DPP10: variants seen among roughly 807,000 people sequenced by gnomAD.
The protein encoded by DPP10 is dipeptidyl peptidase like 10, also known as inactive dipeptidyl peptidase 10.
Under a neutral mutation model 120.9 loss-of-function variants are expected in DPP10, and 33 were observed. The observed-to-expected ratio is 0.27, with a 90% CI of 0.21 to 0.37. The LOEUF (loss-of-function observed/expected upper bound fraction) is 0.37, where lower values mean the gene tolerates loss of function less well. DPP10 is among the 10% of genes least tolerant of loss of function. The pLI is 1.00. For synonymous variants in DPP10, 337 were observed against 326.1 expected, an observed-to-expected ratio of 1.03 and a Z score of -0.36; for missense variants, 816 against 942.8, an observed-to-expected ratio of 0.87 and a Z score of 1.76.
rs181299413 is a variant in DPP10, at chr2:115,805,060, G to T, written c.1701-9733G>T. Among the ~76,000 whole-genome samples, 811 of 152,332 alleles carry T rather than the reference G, an allele frequency of 5.3e-3. 11 individuals carry two copies. Among genetic ancestry groups the T allele is most frequent in the African/African-American group, 0.019 (781 of 41,596 alleles). Reference sequence around the variant, plus strand: ...CCTACAGAGGCAGGCAGGCCTCCTTGAGCTGTGGTGGGCTCCACCCAGTTG... The same window carrying T: ...CCTACAGAGGCAGGCAGGCCTCCTTTAGCTGTGGTGGGCTCCACCCAGTTG... On this transcript the variant is annotated intron_variant, in intron 19 of 25. Coordinates refer to ENST00000410059, the MANE Select transcript of DPP10 (RefSeq NM_020868.6).
chr2:114,670,235 G>A (rs1249632060), intron 1 of DPP10, among the ~76,000 whole-genome samples: 1 of 152,048 alleles, frequency 6.6e-6, no homozygotes, highest in Non-Finnish European at 1.5e-5. Flanking sequence ...GTTTATTGTG[G>A]CACTATTCAC....
intron 1 of DPP10, among the ~76,000 whole-genome samples, chr2:115,282,412 T>C (rs2060196583): frequency 1.3e-5 from 2 of 152,100 alleles, no homozygotes; most frequent in Admixed American, 1.3e-4. Context: ...GGAAAATGTG[T>C]GGTATTTGCC....
At chr2:114,830,228 C>T (rs1363613693) in intron 1 of DPP10, among the ~76,000 whole-genome samples, 2 of 152,070 alleles carry the variant, frequency 1.3e-5, no homozygotes, top group African/African-American at 4.8e-5. Context: ...ATTGATAGCT[C>T]TCAAAATGGG....
At chr2:115,670,015 G>A (rs1188697130) in intron 5 of DPP10, among the ~76,000 whole-genome samples, 1 of 152,098 alleles carries the variant, frequency 6.6e-6, no homozygotes, top group East Asian at 1.9e-4. Context: ...AGTTCTGCAG[G>A]CTGGGAAGTC....
At chr2:114,694,045 A>G (rs72826534) in intron 1 of DPP10, among the ~76,000 whole-genome samples, 1,870 of 152,094 alleles carry the variant, frequency 0.012, 12 homozygotes, top group Middle Eastern at 0.027. Context: ...ACTGAACCCA[A>G]TAAAGGAATA....
chr2:114,841,544 A>T (rs966855423), intron 1 of DPP10, among the ~76,000 whole-genome samples: 3 of 152,106 alleles, frequency 2.0e-5, no homozygotes, highest in Non-Finnish European at 4.4e-5. Context: ...GAGAATGGGG[A>T]GAGATTGAGT....
chr2:114,847,775 A>G (rs1574333486), intron 1 of DPP10, among the ~76,000 whole-genome samples: 1 of 152,124 alleles, frequency 6.6e-6, no homozygotes, highest in African/African-American at 2.4e-5. Flanking sequence ...CTTTTTGTAA[A>G]GGCATTAGTT....
intron 1 of DPP10, among the ~76,000 whole-genome samples, chr2:114,476,784 A>G (rs1455706123): frequency 1.3e-5 from 2 of 152,148 alleles, no homozygotes; most frequent in Admixed American, 1.3e-4. Context: ...TACCAAACTC[A>G]GTGAAATGTA....
chr2:115,584,980 A>G (rs1306241450), intron 5 of DPP10, among the ~76,000 whole-genome samples: 2 of 152,204 alleles, frequency 1.3e-5, no homozygotes, highest in Non-Finnish European at 2.9e-5. Context: ...TGTCAGCCTT[A>G]AAAACACATA....
At chr2:115,026,231 A>C (rs1703451501) in intron 1 of DPP10, among the ~76,000 whole-genome samples, 1 of 151,908 alleles carries the variant, frequency 6.6e-6, no homozygotes, top group Admixed American at 6.6e-5. Context: ...ATCTAATTCC[A>C]TTTTTCTGCT....
chr2:114,532,493 CAGGTAA>C (rs1686110095), intron 1 of DPP10, among the ~76,000 whole-genome samples: 1 of 151,584 alleles, frequency 6.6e-6, no homozygotes, highest in Non-Finnish European at 1.5e-5. Flanking sequence ...ACCCACTACC[CAGGTAA>C]AGAATTAGAA....
intron 1 of DPP10, among the ~76,000 whole-genome samples, chr2:114,766,137 A>G (rs751505091): frequency 7.2e-5 from 11 of 151,960 alleles, no homozygotes; most frequent in Non-Finnish European, 1.3e-4. Flanking sequence ...AAAACACAAA[A>G]ATGAGCATGG....
chr2:115,025,714 A>G (rs1386686300), intron 1 of DPP10, among the ~76,000 whole-genome samples: 2 of 152,134 alleles, frequency 1.3e-5, no homozygotes, highest in African/African-American at 2.4e-5. Context: ...GGGTGAGATA[A>G]TACATCACTG....
chr2:115,414,320 T>C (rs1270496965), intron 3 of DPP10, among the ~76,000 whole-genome samples: 3 of 152,178 alleles, frequency 2.0e-5, no homozygotes, highest in Non-Finnish European at 4.4e-5. Flanking sequence ...CGAGTCTAGA[T>C]GTTTATCTTC....
chr2:115,614,471 G>C (rs980775163), intron 5 of DPP10, among the ~76,000 whole-genome samples: 2 of 152,130 alleles, frequency 1.3e-5, no homozygotes, highest in Admixed American at 6.5e-5. Flanking sequence ...TCTTGCCCAG[G>C]CTGGAGTGCA....
intron 2 of DPP10, among the ~76,000 whole-genome samples, chr2:115,310,482 T>C (rs945173104): frequency 3.8e-4 from 58 of 152,134 alleles, no homozygotes; most frequent in African/African-American, 1.3e-3. Context: ...CTGCCAAAAA[T>C]GCAGTTTTTA....
intron 2 of DPP10, among the ~76,000 whole-genome samples, chr2:115,329,935 T>A (rs1044020627): frequency 6.6e-6 from 1 of 152,210 alleles, no homozygotes; most frequent in African/African-American, 2.4e-5. Flanking sequence ...TGATTTATAA[T>A]CCTTTGGGTA....
At chr2:114,681,424 A>T (rs192850430) in intron 1 of DPP10, among the ~76,000 whole-genome samples, 2 of 151,786 alleles carry the variant, frequency 1.3e-5, no homozygotes, top group African/African-American at 4.8e-5. Flanking sequence ...GATATTTTCT[A>T]CTCTTAAAAT....
chr2:114,831,022 ATTTTTTTTTTTTTT>A lies in DPP10; in HGVS notation c.60+388207_60+388220del, dbSNP rs70941010. Reference sequence around the variant, plus strand: ...GGAATATTTAAACATCCATGCAAAGATTTTTTTTTTTTTTTTTTTTTTTTTTTTTTTTTTTTGCT... The same window carrying A: ...GGAATATTTAAACATCCATGCAAAGATTTTTTTTTTTTTTTTTTTTTTGCT... On this transcript the variant is annotated intron_variant, in intron 1 of 25. Coordinates refer to ENST00000410059, the MANE Select transcript of DPP10 (RefSeq NM_020868.6). 8.5e-3 allele frequency among the ~76,000 whole-genome samples: 392 copies of A among 45,968 alleles called. 2 individuals carry two copies. The highest frequency in any genetic ancestry group is 0.016 in the African/African-American group (184 of 11,614). 30.2% of individuals were successfully genotyped at this position (45,968 alleles called of 152,430 possible). A position where few individuals can be genotyped will look rare whatever the true frequency, so the allele number is the denominator to read the frequency against.
Sources: allele counts gnomAD v4.1 joint callset (sites outside exome capture counted in the v4.1 genomes callset), GRCh38; gene constraint gnomAD v4.1.1; transcripts MANE v1.5; gene names NCBI Gene and HGNC (gene_info 2026-07-23, HGNC 2026-07-21).